Variants in SAR1B observed in about 807,000 individuals in gnomAD.
SAR1B encodes secretion associated Ras related GTPase 1B.
In SAR1B, 23 loss-of-function variants were observed where a neutral mutation model predicts 26.8. The ratio of observed to expected loss-of-function variants is 0.86; its 90% CI spans 0.62 to 1.22. The LOEUF (loss-of-function observed/expected upper bound fraction) is 1.22. Ranked by LOEUF, SAR1B falls within the 50% of genes most tolerant of loss-of-function variation. The probability of loss-of-function intolerance (pLI) is 0.00; values close to 1 mark genes in which losing one functional copy is unlikely to be tolerated. For missense variants in SAR1B, 196 were observed against 232.8 expected (o/e 0.84, Z 1.03); for synonymous variants, 65 against 80.8 (o/e 0.80, Z 1.05).
rs70976543 is a variant in SAR1B at position 134,623,121 on chromosome 5, CA to C, written c.58+840del. On this transcript the variant is annotated intron_variant, in intron 2 of 6. Coordinates refer to ENST00000402673, the MANE Select transcript of SAR1B (RefSeq NM_016103.4). Reference sequence around the variant, plus strand: ...TGGGCAACAGAGTGAGACTCTGTCTCAAAAAAAAAAAAAAAGAAAAAGAAAA... The same window carrying C: ...TGGGCAACAGAGTGAGACTCTGTCTCAAAAAAAAAAAAAAGAAAAAGAAAA... 5.0e-3 allele frequency among the ~76,000 whole-genome samples: 564 copies of C among 113,892 alleles called. 1 individual carries two copies. The highest frequency in any genetic ancestry group is 0.018 in the African/African-American group (481 of 26,384). 74.7% of individuals were successfully genotyped at this position (113,892 alleles called of 152,430 possible). A position where few individuals can be genotyped will look rare whatever the true frequency, so the allele number is the denominator to read the frequency against.
chr5:134,626,065 G>A (rs1765487743), intron 1 of SAR1B, among the ~76,000 whole-genome samples: 1 of 151,984 alleles, frequency 6.6e-6, no homozygotes, highest in African/African-American at 2.4e-5. Flanking sequence ...TTGGGAGGCT[G>A]AGGCGGGTGG....
intron 1 of SAR1B, among the ~76,000 whole-genome samples, chr5:134,630,456 CA>C (rs773343974): frequency 0.011 from 447 of 41,576 alleles, no homozygotes; most frequent in Middle Eastern, 0.056. Flanking sequence ...AACTCTATCT[CA>C]AAAAAAAAAA....
intron 6 of SAR1B, 37 bp downstream of exon 6, chr5:134,608,335 T>A: frequency 6.5e-7 from 1 of 1,530,578 alleles, no homozygotes; most frequent in Non-Finnish European, 8.8e-7. Flanking sequence ...TACTGTAGAA[T>A]TAAACACACC....
chr5:134,627,780 C>A (rs1765519076), intron 1 of SAR1B, among the ~76,000 whole-genome samples: 1 of 148,070 alleles, frequency 6.8e-6, no homozygotes, highest in African/African-American at 2.5e-5. Flanking sequence ...GCCTGGGCGA[C>A]AGAGCGAGAC....
chr5:134,630,927 G>A (rs1452737381), intron 1 of SAR1B, among the ~76,000 whole-genome samples: 1 of 16,888 alleles, frequency 5.9e-5, no homozygotes, highest in Non-Finnish European at 1.2e-4. Flanking sequence ...TAGCAACAAT[G>A]TCTTTTTCTT....
intron 2 of SAR1B, among the ~76,000 whole-genome samples, chr5:134,622,815 T>C: frequency 6.6e-6 from 1 of 151,444 alleles, no homozygotes; most frequent in Non-Finnish European, 1.5e-5. Flanking sequence ...AAAGGACCAA[T>C]ATTACCTAGA....
At position 134,608,369 on chromosome 5, in the gene SAR1B, T is replaced by TA. The variant is rs1554133133; in HGVS notation, c.480+2dup. ...CCCATCATAATTTTTTTTTTTTTTT[T>TA]ACCTTTCCTGTTGTCTGACCATATA... On this transcript the variant is annotated splice_region_variant and intron_variant, in intron 6 of 6. Coordinates refer to ENST00000402673, the MANE Select transcript of SAR1B (RefSeq NM_016103.4). The TA allele has an allele frequency of 6.5e-7, 1 of 1,546,102 alleles. No individual in the cohort carries two copies. Among genetic ancestry groups the TA allele is most frequent in the South Asian group, 1.2e-5 (1 of 85,074 alleles).
In SAR1B at chr5:134,601,633, A is replaced by AG. The variant is rs1765035106; in HGVS notation, c.*5316_*5317insC. The AG allele has an allele frequency of 1.3e-5, 2 of 152,266 alleles. No homozygotes were observed. Among genetic ancestry groups the AG allele is most frequent in the African/African-American group, 4.8e-5 (2 of 41,474 alleles). 9.4% of individuals were successfully genotyped at this position (152,266 alleles called of 1,614,324 possible). ...TACAGAAACCCACGTTAAGTTGGCCATTCTGACATGAATCTATACTTGAAA... is the reference window on the plus strand; with the variant it reads ...TACAGAAACCCACGTTAAGTTGGCCAGTTCTGACATGAATCTATACTTGAAA... On this transcript the variant is annotated 3_prime_UTR_variant, in exon 7 of 7. Coordinates refer to ENST00000402673, the MANE Select transcript of SAR1B (RefSeq NM_016103.4).
rs1348933430 is a variant in SAR1B at position 134,604,245 on chromosome 5, T to C, written c.*2705A>G. 1 of 152,318 alleles carries C rather than the reference T, an allele frequency of 6.6e-6. No individual in the cohort carries two copies. Among genetic ancestry groups the C allele is most frequent in the East Asian group, 1.9e-4 (1 of 5,196 alleles). 9.4% of individuals were successfully genotyped at this position (152,318 alleles called of 1,614,324 possible). ...TTCAGACTTTAGATTTTAAAAAATCTTTTGGACAGTGCCTGATTTGTATGT... is the reference window on the plus strand; with the variant it reads ...TTCAGACTTTAGATTTTAAAAAATCCTTTGGACAGTGCCTGATTTGTATGT... On this transcript the variant is annotated 3_prime_UTR_variant, in exon 7 of 7. Coordinates refer to ENST00000402673, the MANE Select transcript of SAR1B (RefSeq NM_016103.4).
At chr5:134,621,096 T>A in intron 2 of SAR1B, 44 bp from the exon 3 acceptor site, 1 of 1,596,958 alleles carries the variant, frequency 6.3e-7, no homozygotes, top group Non-Finnish European at 8.6e-7. Context: ...TATCTGATAC[T>A]AATTATCCAA....
chr5:134,626,125 C>T, intron 1 of SAR1B, among the ~76,000 whole-genome samples: 1 of 151,344 alleles, frequency 6.6e-6, no homozygotes, highest in East Asian at 1.9e-4. Context: ...GTGGCAAAAC[C>T]CCATCTCTAC....
intron 3 of SAR1B, among the ~76,000 whole-genome samples, chr5:134,616,399 T>C (rs1195713390): frequency 1.4e-5 from 2 of 148,102 alleles, no homozygotes; most frequent in African/African-American, 5.0e-5. Flanking sequence ...ATCATACCAT[T>C]GCACTCCAGC....
At position 134,606,692 on chromosome 5, in the gene SAR1B, T is replaced by C. The variant is rs1047351158; in HGVS notation, c.*258A>G. On this transcript the variant is annotated 3_prime_UTR_variant, in exon 7 of 7. Transcript: ENST00000402673. ...CTGCTGGAAAGTTGCTCTTTACAAA[T>C]GGCGCTGGGGTGATGTCAGATTATA... 1 of 388,464 alleles carries C rather than the reference T, an allele frequency of 2.6e-6. No homozygotes were observed. Among genetic ancestry groups the C allele is most frequent in the African/African-American group, 2.0e-5 (1 of 49,104 alleles). 24.1% of individuals were successfully genotyped at this position (388,464 alleles called of 1,614,324 possible). A position where few individuals can be genotyped will look rare whatever the true frequency, so the allele number is the denominator to read the frequency against.
rs938481575 is a variant in SAR1B, at chr5:134,627,286, C to T, written c.-18-3249G>A. Among the ~76,000 whole-genome samples, 16 of 151,428 alleles carry T rather than the reference C, an allele frequency of 1.1e-4. No individual in the cohort carries two copies. The Middle Eastern group carries it at 0.021, about 194-fold the overall frequency. On this transcript the variant is annotated intron_variant, in intron 1 of 6. Transcript: ENST00000402673. ...CAGGATGGTCTCGATCTCCTGACCT[C>T]GTAATCCGCCCTCCTTGGCCTCCCA... is the stretch of plus-strand genomic sequence containing the variant.
chr5:134,609,890 C>T (rs1028160830), intron 4 of SAR1B, among the ~76,000 whole-genome samples: 3 of 151,542 alleles, frequency 2.0e-5, no homozygotes, highest in Non-Finnish European at 4.4e-5. Flanking sequence ...AAGTCAAATA[C>T]TTTAGTCTCT....
At chr5:134,625,278 C>T (rs1161862256) in intron 1 of SAR1B, among the ~76,000 whole-genome samples, 2 of 152,150 alleles carry the variant, frequency 1.3e-5, no homozygotes, top group African/African-American at 2.4e-5. Flanking sequence ...ACATTCACAG[C>T]AGTGCCAATC....
intron 1 of SAR1B, among the ~76,000 whole-genome samples, chr5:134,629,811 G>A (rs1353931738): frequency 2.6e-5 from 4 of 151,608 alleles, no homozygotes; most frequent in South Asian, 4.2e-4. Context: ...GCTTGAACCC[G>A]GGAGACGGAG....
rs1040644463 is a variant in SAR1B at position 134,604,163 on chromosome 5, C to A, written c.*2787G>T. On this transcript the variant is annotated 3_prime_UTR_variant, in exon 7 of 7. Coordinates refer to ENST00000402673, the MANE Select transcript of SAR1B (RefSeq NM_016103.4). ...GTGTAATTAACGGCAGTCAGTGAAA[C>A]AGGTATGGGATCTCTTTAAAAGTGT... The A allele has an allele frequency of 3.9e-5, 6 of 152,170 alleles. No homozygotes were observed. Among genetic ancestry groups the A allele is most frequent in the Admixed American group, 3.3e-4 (5 of 15,274 alleles). The allele number at this position is 152,170 out of a possible 1,614,324, so 9.4% of individuals were successfully genotyped here. A position where few individuals can be genotyped will look rare whatever the true frequency, so the allele number is the denominator to read the frequency against.
chr5:134,625,239 C>A (rs1365806873), intron 1 of SAR1B, among the ~76,000 whole-genome samples: 1 of 152,118 alleles, frequency 6.6e-6, no homozygotes, highest in East Asian at 1.9e-4. Context: ...CCAAAAAAAG[C>A]CAAGGACTCA....
Sources: allele counts gnomAD v4.1 joint callset (sites outside exome capture counted in the v4.1 genomes callset), GRCh38; gene constraint gnomAD v4.1.1; transcripts MANE v1.5; gene names NCBI Gene and HGNC (gene_info 2026-07-23, HGNC 2026-07-21).